DHX15: variants seen among roughly 807,000 people sequenced by gnomAD.
DHX15 encodes DEAH-box helicase 15, also known as ATP-dependent RNA helicase DHX15.
DHX15 carries 11 observed loss-of-function variants against 94.4 expected under a neutral mutation model. That is an observed-to-expected ratio of 0.12 (90% confidence interval 0.07 to 0.19). The LOEUF is 0.19. DHX15 is among the 10% of genes least tolerant of loss of function. The probability of loss-of-function intolerance (pLI) is 1.00; values close to 1 mark genes in which losing one functional copy is unlikely to be tolerated. For missense variants in DHX15, 304 were observed against 988.5 expected, an observed-to-expected ratio of 0.31 and a Z score of 9.29; for synonymous variants, 338 against 329.9, an observed-to-expected ratio of 1.02 and a Z score of -0.27.
intron 2 of DHX15, among the ~76,000 whole-genome samples, chr4:24,571,680 TTCCAAACGC>T (rs1722126280): frequency 6.6e-6 from 1 of 152,206 alleles, no homozygotes; most frequent in Non-Finnish European, 1.5e-5. Context: ...ACATCAAAGC[TTCCAAACGC>T]CTATCAAACT....
chr4:24,572,914 T>A (rs534945594), intron 2 of DHX15, among the ~76,000 whole-genome samples: 1 of 152,096 alleles, frequency 6.6e-6, no homozygotes. Flanking sequence ...TCCGGCTTTT[T>A]TGTTTTTTTC....
intron 11 of DHX15, 116 bp downstream of exon 11, chr4:24,536,935 C>A: frequency 8.1e-7 from 1 of 1,228,386 alleles, no homozygotes; most frequent in Non-Finnish European, 1.1e-6. Flanking sequence ...TCAAAAGTAC[C>A]TCTGGGTTTC....
Position 24,546,028 on chromosome 4 carries a change from G to A in DHX15, c.1248+2827C>T, listed in dbSNP as rs532887802. ...TAATAGAACCACTTCCCCCCACTCCGCCCCCAATAACTCCACTTCAAAGTA... is the reference window on the plus strand; with the variant it reads ...TAATAGAACCACTTCCCCCCACTCCACCCCCAATAACTCCACTTCAAAGTA... On this transcript the variant is annotated intron_variant, in intron 6 of 13. Transcript: ENST00000336812. Among the ~76,000 whole-genome samples, 14 of 151,004 alleles carry A rather than the reference G, an allele frequency of 9.3e-5. No homozygotes were observed. In the South Asian group the frequency reaches 1.9e-3, roughly 20 times the overall value.
chr4:24,572,289 C>T (rs556052693), intron 2 of DHX15, among the ~76,000 whole-genome samples: 2 of 152,154 alleles, frequency 1.3e-5, no homozygotes, highest in Non-Finnish European at 2.9e-5. Context: ...CACGTGCCAC[C>T]ACGCCTGGCT....
chr4:24,543,287 T>C (rs893022661), intron 6 of DHX15, among the ~76,000 whole-genome samples: 3 of 152,186 alleles, frequency 2.0e-5, no homozygotes, highest in Non-Finnish European at 2.9e-5. Flanking sequence ...CATTACATTT[T>C]GCTTAATCAA....
At chr4:24,562,373 A>G (rs1382533962) in intron 3 of DHX15, among the ~76,000 whole-genome samples, 5 of 152,152 alleles carry the variant, frequency 3.3e-5, no homozygotes, top group Admixed American at 6.5e-5. Context: ...TGGAGCGATG[A>G]GGAACAATGA....
intron 8 of DHX15, among the ~76,000 whole-genome samples, 176 bp from the exon 9 acceptor site, chr4:24,541,124 T>C (rs1721298551): frequency 6.6e-6 from 1 of 152,132 alleles, no homozygotes; most frequent in African/African-American, 2.4e-5. Context: ...TCTCCAACTA[T>C]CTTTATAGTA....
At chr4:24,538,657 A>G (rs1481448077) in intron 10 of DHX15, 1 of 152,134 alleles carries the variant, frequency 6.6e-6, no homozygotes. Flanking sequence ...CCATTTAAAA[A>G]CAGTCCATTT....
rs1720987487 is a variant in DHX15, at chr4:24,527,592, C to T, written c.*332G>A. On this transcript the variant is annotated 3_prime_UTR_variant, in exon 14 of 14. Coordinates refer to ENST00000336812, the MANE Select transcript of DHX15 (RefSeq NM_001358.3). ...CTAAAAGGAATGTCAACAATTACAA[C>T]GATCATGCATACCATGGTCGATAAT... 5.2e-6 allele frequency: 1 copy of T among 192,042 alleles called. No homozygotes were observed. The highest frequency in any genetic ancestry group is 1.3e-4 in the East Asian group (1 of 7,932). The allele number at this position is 192,042 out of a possible 1,614,324, so 11.9% of individuals were successfully genotyped here.
At chr4:24,570,438 A>G (rs1189540645) in intron 3 of DHX15, among the ~76,000 whole-genome samples, 1 of 152,184 alleles carries the variant, frequency 6.6e-6, no homozygotes, top group Admixed American at 6.5e-5. Context: ...AGAACCAAGT[A>G]ACTAAAATCT....
chr4:24,570,504 T>C, intron 3 of DHX15, 150 bp downstream of exon 3: 1 of 596,456 alleles, frequency 1.7e-6, no homozygotes, highest in African/African-American at 1.8e-5. Context: ...AATATATAAT[T>C]AAACTAAGGT....
Position 24,576,391 on chromosome 4 carries a change from T to C in DHX15, c.359A>G (p.Asn120Ser), listed in dbSNP as rs760545415. 5.6e-6 allele frequency: 9 copies of C among 1,614,130 alleles called. No homozygotes were observed. The highest frequency in any genetic ancestry group is 2.2e-5 in the East Asian group (1 of 44,876). Residue 120 changes from asparagine to serine, a missense_variant, in exon 2 of 14, where the codon AAC becomes AGC. By Grantham distance (46) the Asn-to-Ser change is conservative (BLOSUM62 1). This residue lies in a region of DHX15 where 143 missense variants were observed against 200.5 expected (regional missense o/e 0.71). Coordinates refer to ENST00000336812, the MANE Select transcript of DHX15 (RefSeq NM_001358.3). ...SLPQCINPFT[N>S]LPHTPRYYDI... is the part of the protein sequence containing the mutation. The stretch of plus-strand genomic sequence containing the variant: ...ATAGTATCGAGGAGTATGGGGTAAG[T>C]TGGTGAACGGATTAATGCACTGTGG...
At chr4:24,557,352 G>A (rs937072255) in intron 3 of DHX15, among the ~76,000 whole-genome samples, 1 of 152,014 alleles carries the variant, frequency 6.6e-6, no homozygotes, top group Admixed American at 6.6e-5. Context: ...TTTTATTTAC[G>A]GATTTAAAAG....
Position 24,549,020 on chromosome 4 carries a change from T to C in DHX15, c.1083A>G (p.Glu361=). The change falls in exon 6 of 14, where the codon GAA becomes GAG. Residue 361 remains glutamate (E), a splice_region_variant and synonymous_variant. Transcript: ENST00000336812. ...TTATTCTCTTACAGGCTTCATCAAT[T>C]TCCTACAAAATAAAAGTGAGTCTAA... The part of the protein sequence containing the change: ...DLLLFLTGQE[E]IDEACKRIKR... 2 of 1,605,618 alleles carry C rather than the reference T, an allele frequency of 1.2e-6. No homozygotes were observed. The highest frequency in any genetic ancestry group is 1.1e-5 in the South Asian group (1 of 89,506).
intron 3 of DHX15, 42 bp from the exon 4 acceptor site, chr4:24,556,452 C>A: frequency 6.7e-7 from 1 of 1,495,784 alleles, no homozygotes; most frequent in South Asian, 1.4e-5. Flanking sequence ...TCCGTTAGGT[C>A]ATTTTAAAAC....
chr4:24,547,950 T>TATATATATAC (rs1560766069), intron 6 of DHX15, among the ~76,000 whole-genome samples: 8 of 12,198 alleles, frequency 6.6e-4, no homozygotes, highest in African/African-American at 3.7e-3. Flanking sequence ...TATCTATATC[T>TATATATATAC]ATATCTATAT....
chr4:24,569,499 G>A (rs1000075360), intron 3 of DHX15, among the ~76,000 whole-genome samples: 7 of 148,460 alleles, frequency 4.7e-5, no homozygotes, highest in African/African-American at 1.7e-4. Flanking sequence ...GGCTGAGGCA[G>A]GAGAATCGCT....
intron 1 of DHX15, chr4:24,580,873 T>C (rs1265503984): frequency 2.0e-5 from 3 of 152,026 alleles, no homozygotes; most frequent in Non-Finnish European, 1.5e-5. Flanking sequence ...CAAGGATGTG[T>C]GCAAATACGT....
intron 1 of DHX15, among the ~76,000 whole-genome samples, chr4:24,578,640 A>G (rs574360856): frequency 2.0e-4 from 30 of 152,214 alleles, no homozygotes; most frequent in Admixed American, 1.7e-3. Context: ...ATCATGGCTC[A>G]CTGCAATATC....
Sources: allele counts gnomAD v4.1 joint callset (sites outside exome capture counted in the v4.1 genomes callset), GRCh38; gene constraint gnomAD v4.1.1; regional missense constraint gnomAD v4.1.1; transcripts MANE v1.5; gene names NCBI Gene and HGNC (gene_info 2026-07-23, HGNC 2026-07-21).